The following RPTOR variants were observed in gnomAD, a reference collection of about 807,000 sequenced individuals.
RPTOR encodes the protein regulatory associated protein of MTOR complex 1, also known as regulatory-associated protein of mTOR.
In RPTOR, 21 loss-of-function variants were observed where a neutral mutation model predicts 169.9. The observed-to-expected ratio is 0.12, with a 90% CI of 0.09 to 0.18. RPTOR has a LOEUF of 0.18. Ranked by LOEUF, RPTOR falls within the 10% of genes least tolerant of loss-of-function variation. The pLI, the probability that RPTOR is intolerant of heterozygous loss-of-function variation, is 1.00. For synonymous variants in RPTOR, 732 were observed against 753.2 expected, an observed-to-expected ratio of 0.97 and a Z score of 0.46; for missense variants, 1,133 against 1,855.9, an observed-to-expected ratio of 0.61 and a Z score of 7.16.
At chr17:80,561,828 G>C (rs189157596) in intron 1 of RPTOR, among the ~76,000 whole-genome samples, 1 of 152,138 alleles carries the variant, frequency 6.6e-6, no homozygotes, top group Admixed American at 6.5e-5. Context: ...GTGTGTGACT[G>C]TGTGAATATG....
Position 80,908,291 on chromosome 17 carries a change from A to G in RPTOR, c.2402-520A>G, listed in dbSNP as rs114018962. On this transcript the variant is annotated intron_variant, in intron 20 of 33. Transcript: ENST00000306801. The stretch of plus-strand genomic sequence containing the variant: ...TAGGGACAAAAGTCACAGCACATCA[A>G]CCTTTCGTGAAGTCCTAGCATCTCA... Among the ~76,000 whole-genome samples, 1,323 of 152,300 alleles carry G rather than the reference A, an allele frequency of 8.7e-3. 16 individuals carry two copies. The highest frequency in any genetic ancestry group is 0.031 in the African/African-American group (1,272 of 41,548).
At chr17:80,932,865 ACAAAC>A (rs2068915151) in intron 24 of RPTOR, among the ~76,000 whole-genome samples, 1 of 152,210 alleles carries the variant, frequency 6.6e-6, no homozygotes, top group South Asian at 2.1e-4. Flanking sequence ...CTAAGCCACC[ACAAAC>A]CAAAGATAAA....
chr17:80,598,910 A>ATCTATCTATCTG (rs1357661128), intron 1 of RPTOR, among the ~76,000 whole-genome samples: 2 of 151,520 alleles, frequency 1.3e-5, no homozygotes, highest in African/African-American at 2.4e-5. Flanking sequence ...CTATCTATCT[A>ATCTATCTATCTG]TCTATCTATC....
chr17:80,634,769 C>T (rs796550344), intron 2 of RPTOR, among the ~76,000 whole-genome samples: 54 of 47,638 alleles, frequency 1.1e-3, no homozygotes, highest in East Asian at 1.2e-3. Flanking sequence ...GCGTACTGTG[C>T]GTGTGTGTAC....
chr17:80,676,341 G>A (rs760920927), intron 3 of RPTOR, among the ~76,000 whole-genome samples: 3 of 148,206 alleles, frequency 2.0e-5, no homozygotes, highest in Admixed American at 6.7e-5. Context: ...AGTCACCCCC[G>A]GCTATTGATT....
rs2143558757 is a variant in RPTOR, at chr17:80,633,765, A to T, written c.265+7972A>T. Reference sequence around the variant, plus strand: ...CTTTCAATTTCTTCATTTTGAACTCATGGCCTCCATTTTCATTCAGTGGAT... The same window carrying T: ...CTTTCAATTTCTTCATTTTGAACTCTTGGCCTCCATTTTCATTCAGTGGAT... On this transcript the variant is annotated intron_variant, in intron 2 of 33. Transcript: ENST00000306801. The surrounding 1 kb of genome is among the most constrained non-coding windows in gnomAD (Gnocchi z 4.1). 6.6e-6 allele frequency among the ~76,000 whole-genome samples: 1 copy of T among 152,288 alleles called. No individual in the cohort carries two copies. The highest frequency in any genetic ancestry group is 1.5e-5 in the Non-Finnish European group (1 of 68,022).
chr17:80,913,439 G>C (rs2068635230), intron 21 of RPTOR, among the ~76,000 whole-genome samples: 1 of 151,984 alleles, frequency 6.6e-6, no homozygotes. Context: ...TCTTGGTTTA[G>C]TTTTGGGGGT....
Position 80,891,714 on chromosome 17 carries a change from C to T in RPTOR, c.1984-6C>T, listed in dbSNP as rs201831934. 19 of 1,597,136 alleles carry T rather than the reference C, an allele frequency of 1.2e-5. No homozygotes were observed. The highest frequency in any genetic ancestry group is 1.7e-4 in the Middle Eastern group (1 of 6,022). ...GACTGTTATTGTCCCTTCTCCCTCT[C>T]GGCAGGAGCTGGTGGTGGCTCTGAG... On this transcript the variant is annotated splice_polypyrimidine_tract_variant and splice_region_variant and intron_variant, in intron 17 of 33. Coordinates refer to ENST00000306801, the MANE Select transcript of RPTOR (RefSeq NM_020761.3).
chr17:80,568,088 T>G (rs549508338), intron 1 of RPTOR, among the ~76,000 whole-genome samples: 2 of 151,902 alleles, frequency 1.3e-5, no homozygotes, highest in Non-Finnish European at 2.9e-5. Flanking sequence ...TTTGTGTTTT[T>G]AGTAGAGATG....
At chr17:80,622,159 G>C (rs1171815511) in intron 1 of RPTOR, among the ~76,000 whole-genome samples, 2 of 152,194 alleles carry the variant, frequency 1.3e-5, no homozygotes, top group Non-Finnish European at 2.9e-5. Flanking sequence ...GATGACTGTA[G>C]GCAAAGCCAG....
chr17:80,671,666 G>C (rs1270196059), intron 3 of RPTOR, among the ~76,000 whole-genome samples: 4 of 152,118 alleles, frequency 2.6e-5, no homozygotes, highest in Non-Finnish European at 5.9e-5. Flanking sequence ...GGGAACCTGG[G>C]GCTTACTGGA....
intron 4 of RPTOR, among the ~76,000 whole-genome samples, chr17:80,711,135 C>T (rs920397825): frequency 3.3e-5 from 5 of 152,246 alleles, no homozygotes; most frequent in Middle Eastern, 3.4e-3. Context: ...TCACAATACC[C>T]CTTTAGAAAC....
intron 20 of RPTOR, among the ~76,000 whole-genome samples, chr17:80,902,323 C>T (rs1039172746): frequency 2.0e-5 from 3 of 152,236 alleles, no homozygotes; most frequent in Non-Finnish European, 4.4e-5. Flanking sequence ...TCCTGCCCCC[C>T]GTCTCAGCAG....
chr17:80,747,023 G>T (rs1056534420), intron 5 of RPTOR, among the ~76,000 whole-genome samples: 22 of 152,248 alleles, frequency 1.4e-4, no homozygotes, highest in African/African-American at 5.3e-4. Context: ...TTCGAGACCA[G>T]CCTGGCCAAC....
At chr17:80,909,063 T>A (rs945457364) in intron 21 of RPTOR, 134 bp downstream of exon 21, 5 of 693,298 alleles carry the variant, frequency 7.2e-6, no homozygotes, top group Non-Finnish European at 1.3e-5. Flanking sequence ...GCAAATATCT[T>A]AAATCTGGAG....
intron 13 of RPTOR, among the ~76,000 whole-genome samples, chr17:80,867,786 T>A (rs1452840726): frequency 6.6e-6 from 1 of 151,942 alleles, no homozygotes; most frequent in Non-Finnish European, 1.5e-5. Flanking sequence ...AAAAAAGAAA[T>A]ACTTAGGGAT....
chr17:80,940,690 A>G, intron 25 of RPTOR, 89 bp downstream of exon 25: 1 of 1,046,290 alleles, frequency 9.6e-7, no homozygotes, highest in Non-Finnish European at 1.4e-6. Flanking sequence ...CCCGCGGCCC[A>G]CGCACAACCT....
chr17:80,954,942 G>T (rs754039326), intron 28 of RPTOR, among the ~76,000 whole-genome samples: 5 of 151,916 alleles, frequency 3.3e-5, no homozygotes, highest in Non-Finnish European at 5.9e-5. Context: ...AAGAAAGAAA[G>T]AAATCATAGA....
intron 6 of RPTOR, among the ~76,000 whole-genome samples, chr17:80,778,220 T>G (rs2066909240): frequency 6.6e-6 from 1 of 152,198 alleles, no homozygotes; most frequent in Non-Finnish European, 1.5e-5. Context: ...TGGGAGCCGC[T>G]GTTAGGAGCC....
Sources: allele counts gnomAD v4.1 joint callset (sites outside exome capture counted in the v4.1 genomes callset), GRCh38; gene constraint gnomAD v4.1.1; non-coding constraint Gnocchi (gnomAD v3.1); transcripts MANE v1.5; gene names NCBI Gene and HGNC (gene_info 2026-07-23, HGNC 2026-07-21).